Variants in PDE11A observed in about 807,000 individuals in gnomAD.
The protein encoded by PDE11A is dual 3',5'-cyclic-AMP and -GMP phosphodiesterase 11A.
Under a neutral mutation model 100.5 loss-of-function variants are expected in PDE11A, and 100 were observed. That is an observed-to-expected ratio of 1.00 (90% CI 0.85 to 1.18). PDE11A has a LOEUF of 1.18. Ranked by LOEUF, PDE11A falls within the 50% of genes most tolerant of loss-of-function variation. The probability of loss-of-function intolerance (pLI) is 0.00; values close to 1 mark genes in which losing one functional copy is unlikely to be tolerated. For synonymous variants in PDE11A, 381 were observed against 420.8 expected (o/e 0.91, Z 1.16); for missense variants, 1,141 against 1,152.6 (o/e 0.99, Z 0.15).
rs1031661345 is a variant in PDE11A at position 178,072,682 on chromosome 2, G to A, written c.-245C>T. ...GCTCCGCACAGGTGCCCAGCACTGA[G>A]CTGCCGCCGCTGCCCCGGCTCCTGT... On this transcript the variant is annotated 5_prime_UTR_variant, in exon 1 of 20. Coordinates refer to ENST00000286063, the MANE Select transcript of PDE11A (RefSeq NM_016953.4). 1.4e-6 allele frequency: 2 copies of A among 1,413,434 alleles called. No individual in the cohort carries two copies. The highest frequency in any genetic ancestry group is 5.7e-5 in the Admixed American group (2 of 34,984). 87.6% of individuals were successfully genotyped at this position (1,413,434 alleles called of 1,614,324 possible).
intron 1 of PDE11A, chr2:178,018,378 C>CTTGACTTTAACTTGGCACAA: frequency 4.8e-6 from 2 of 413,296 alleles, no homozygotes; most frequent in Admixed American, 2.4e-5. Context: ...TTTTGGCACA[C>CTTGACTTTAACTTGGCACAA]TTGACTTTAA....
chr2:177,791,426 T>C (rs1305297746), intron 9 of PDE11A, among the ~76,000 whole-genome samples: 1 of 147,124 alleles, frequency 6.8e-6, no homozygotes, highest in East Asian at 2.1e-4. Flanking sequence ...TTAGGAGATA[T>C]ACCTAATGTT....
At chr2:177,898,533 C>CTA (rs1289725092) in intron 3 of PDE11A, among the ~76,000 whole-genome samples, 7 of 152,284 alleles carry the variant, frequency 4.6e-5, no homozygotes, top group Admixed American at 3.3e-4. Flanking sequence ...ACCAAGGCAG[C>CTA]TATAACCCTT....
chr2:177,852,468 G>A (rs193176368), intron 5 of PDE11A, among the ~76,000 whole-genome samples: 2 of 152,240 alleles, frequency 1.3e-5, no homozygotes, highest in East Asian at 3.9e-4. Flanking sequence ...TTCACAAAAA[G>A]AAACTGCATT....
chr2:177,914,351 G>A (rs2105746210), intron 2 of PDE11A, among the ~76,000 whole-genome samples: 1 of 152,168 alleles, frequency 6.6e-6, no homozygotes, highest in African/African-American at 2.4e-5. Flanking sequence ...TACAAGCTAT[G>A]AGCGCTTTGT....
At chr2:178,068,804 C>T (rs1438289322) in intron 1 of PDE11A, among the ~76,000 whole-genome samples, 1 of 152,158 alleles carries the variant, frequency 6.6e-6, no homozygotes, top group Non-Finnish European at 1.5e-5. Flanking sequence ...TTCCCTACAA[C>T]AACCCTATAA....
At chr2:178,088,108 C>T (rs893273905) in intron 2 of PDE11A, among the ~76,000 whole-genome samples, 1 of 152,208 alleles carries the variant, frequency 6.6e-6, no homozygotes, top group Admixed American at 6.5e-5. Flanking sequence ...TTGCCTTACT[C>T]TCACAGTATT....
intron 2 of PDE11A, among the ~76,000 whole-genome samples, chr2:178,096,359 G>C (rs1222033896): frequency 6.9e-6 from 1 of 144,638 alleles, no homozygotes; most frequent in Non-Finnish European, 1.5e-5. Context: ...ATTTTTACTA[G>C]AGGCAGGGTT....
chr2:177,891,838 T>C (rs559856739), intron 4 of PDE11A, among the ~76,000 whole-genome samples: 31 of 152,360 alleles, frequency 2.0e-4, no homozygotes, highest in African/African-American at 7.2e-4. Flanking sequence ...AGAGACTGTG[T>C]GACTTGCAAA....
Position 177,722,722 on chromosome 2 carries a change from T to G in PDE11A, c.2043+4936A>C, listed in dbSNP as rs2081548601. Reference sequence around the variant, plus strand: ...TGCAAAAACATTTAAAAATTACTCCTTTTCTAAATTAAAAATTTGCCATCT... The same window carrying G: ...TGCAAAAACATTTAAAAATTACTCCGTTTCTAAATTAAAAATTTGCCATCT... On this transcript the variant is annotated intron_variant, in intron 12 of 19. Coordinates refer to ENST00000286063, the MANE Select transcript of PDE11A (RefSeq NM_016953.4). Among the ~76,000 whole-genome samples the G allele has an allele frequency of 2.0e-5, 3 of 152,328 alleles. No homozygotes were observed. In the South Asian group the frequency reaches 6.2e-4, roughly 32 times the overall value.
chr2:178,035,976 C>A (rs1415608638), intron 1 of PDE11A, among the ~76,000 whole-genome samples: 1 of 152,176 alleles, frequency 6.6e-6, no homozygotes, highest in Admixed American at 6.5e-5. Context: ...GACAAGGATG[C>A]CCTCTCTCAC....
intron 1 of PDE11A, among the ~76,000 whole-genome samples, chr2:178,017,365 A>G (rs538886084): frequency 6.6e-6 from 1 of 152,390 alleles, no homozygotes; most frequent in African/African-American, 2.4e-5. Flanking sequence ...GTATTATACA[A>G]CAATTTAAAT....
At chr2:178,078,040 A>G (rs2087229996) in intron 2 of PDE11A, among the ~76,000 whole-genome samples, 1 of 152,132 alleles carries the variant, frequency 6.6e-6, no homozygotes, top group African/African-American at 2.4e-5. Context: ...GTAATGTGTT[A>G]CAGCAGCCCT....
At chr2:177,682,264 T>C (rs964446742) in intron 15 of PDE11A, among the ~76,000 whole-genome samples, 1 of 152,214 alleles carries the variant, frequency 6.6e-6, no homozygotes, top group African/African-American at 2.4e-5. Context: ...TGTTCCGCCT[T>C]TCCTGACTGA....
chr2:177,824,210 C>A (rs2105592911), intron 6 of PDE11A, among the ~76,000 whole-genome samples: 1 of 151,956 alleles, frequency 6.6e-6, no homozygotes, highest in Admixed American at 6.6e-5. Context: ...GTGGGGAACA[C>A]AGGAAATTTG....
intron 18 of PDE11A, among the ~76,000 whole-genome samples, chr2:177,665,350 C>T (rs1046407132): frequency 3.3e-5 from 5 of 149,414 alleles, no homozygotes; most frequent in Admixed American, 2.0e-4. Context: ...TGTGGTGGCA[C>T]ACACTTGTCG....
At chr2:177,707,247 T>G (rs186800872) in intron 13 of PDE11A, among the ~76,000 whole-genome samples, 1 of 152,030 alleles carries the variant, frequency 6.6e-6, no homozygotes, top group South Asian at 2.1e-4. Context: ...CTCTAAAGAG[T>G]TGATGTTGGT....
intron 1 of PDE11A, among the ~76,000 whole-genome samples, chr2:178,064,447 T>C (rs983451817): frequency 1.5e-4 from 23 of 152,046 alleles, no homozygotes; most frequent in African/African-American, 5.3e-4. Context: ...ACCAACGGAG[T>C]CACTTTAAGC....
At chr2:177,893,131 T>C (rs2084556421) in intron 4 of PDE11A, among the ~76,000 whole-genome samples, 1 of 152,154 alleles carries the variant, frequency 6.6e-6, no homozygotes, top group Non-Finnish European at 1.5e-5. Context: ...TCTCCTCCCT[T>C]AGTCCAGGCA....
Sources: allele counts gnomAD v4.1 joint callset (sites outside exome capture counted in the v4.1 genomes callset), GRCh38; gene constraint gnomAD v4.1.1; transcripts MANE v1.5; gene names NCBI Gene and HGNC (gene_info 2026-07-23, HGNC 2026-07-21).